CERKL: variants seen among roughly 807,000 people sequenced by gnomAD.
CERKL encodes the protein ceramide kinase-like protein.
CERKL carries 61 observed loss-of-function variants against 63.4 expected under a neutral mutation model. That is an observed-to-expected ratio of 0.96 (90% CI 0.78 to 1.19). The LOEUF (loss-of-function observed/expected upper bound fraction) is 1.19, where lower values mean the gene tolerates loss of function less well. Among genes scored for constraint, CERKL ranks in the 50% most tolerant of loss-of-function variants. CERKL has a pLI of 0.00. For synonymous variants in CERKL, 250 were observed against 230.5 expected (o/e 1.08, Z -0.77); for missense variants, 675 against 655.5 (o/e 1.03, Z -0.33).
intron 2 of CERKL, among the ~76,000 whole-genome samples, chr2:181,580,897 A>G (rs1244822158): frequency 3.3e-5 from 5 of 152,112 alleles, no homozygotes; most frequent in Admixed American, 1.3e-4. Context: ...GTACTTTTTT[A>G]GAAGTACCAA....
intron 3 of CERKL, among the ~76,000 whole-genome samples, chr2:181,566,663 C>A (rs1207361629): frequency 6.6e-6 from 1 of 152,130 alleles, no homozygotes; most frequent in East Asian, 1.9e-4. Flanking sequence ...GAGACCCAGA[C>A]CCAAGAAGGA....
chr2:181,579,139 T>C (rs1343553753), intron 2 of CERKL, among the ~76,000 whole-genome samples: 1 of 151,986 alleles, frequency 6.6e-6, no homozygotes, highest in East Asian at 1.9e-4. Context: ...ACAGAAATAA[T>C]GGTACTTTCT....
Position 181,547,599 on chromosome 2 carries a change from A to G in CERKL, c.1268+19T>C. On this transcript the variant is annotated intron_variant, in intron 10 of 12. Transcript: ENST00000410087. ...TCTATAAGAAATGTATCAACAATTC[A>G]ATAAAAATGCTTACTAACCTGGTAT... is the stretch of plus-strand genomic sequence containing the variant. The G allele has an allele frequency of 6.2e-7, 1 of 1,602,034 alleles. No individual in the cohort carries two copies. The highest frequency in any genetic ancestry group is 8.6e-7 in the Non-Finnish European group (1 of 1,169,100).
At chr2:181,548,387 T>C (rs909685361) in intron 8 of CERKL, 158 bp downstream of exon 8, 3 of 647,072 alleles carry the variant, frequency 4.6e-6, no homozygotes, top group Non-Finnish European at 8.2e-6. Context: ...GAGTGAGTAG[T>C]TGTTTGCTTA....
Position 181,537,835 on chromosome 2 carries a change from A to T in CERKL, c.*349T>A, listed in dbSNP as rs1288702666. On this transcript the variant is annotated 3_prime_UTR_variant, in exon 13 of 13. Coordinates refer to ENST00000410087, the MANE Select transcript of CERKL (RefSeq NM_201548.5). Reference sequence around the variant, plus strand: ...CTAGAGGCTAATTGTTAGTAACATCAATTTCTATTAGGATATCCGTTTGGC... The same window carrying T: ...CTAGAGGCTAATTGTTAGTAACATCTATTTCTATTAGGATATCCGTTTGGC... 5 of 487,344 alleles carry T rather than the reference A, an allele frequency of 1.0e-5. No individual in the cohort carries two copies. Among genetic ancestry groups the T allele is most frequent in the South Asian group, 7.7e-5 (5 of 64,708 alleles). 30.2% of individuals were successfully genotyped at this position (487,344 alleles called of 1,614,324 possible). A position where few individuals can be genotyped will look rare whatever the true frequency, so the allele number is the denominator to read the frequency against.
Position 181,548,778 on chromosome 2 carries a change from G to C in CERKL, c.975C>G (p.Gly325=), listed in dbSNP as rs148062068. 1.9e-6 allele frequency: 3 copies of C among 1,613,914 alleles called. No homozygotes were observed. Among genetic ancestry groups the C allele is most frequent in the African/African-American group, 1.3e-5 (1 of 74,928 alleles). The part of the protein sequence containing the change: ...LLRFGFSAMF[G]FGGRTLALAE... Reference sequence around the variant, plus strand: ...CCAGAGCCAAAGTTCTTCCACCAAAGCCAAACATGGCTGAGAACCCAAAGC... The same window carrying C: ...CCAGAGCCAAAGTTCTTCCACCAAACCCAAACATGGCTGAGAACCCAAAGC... The change falls in exon 7 of 13, where the codon GGC becomes GGG. Residue 325 remains glycine (G), a synonymous_variant. Transcript: ENST00000410087.
intron 3 of CERKL, 40 bp downstream of exon 3, chr2:181,573,712 GT>G: frequency 6.3e-7 from 1 of 1,586,012 alleles, no homozygotes; most frequent in Non-Finnish European, 8.6e-7. Flanking sequence ...GCTTTTGTAT[GT>G]TTTTGTAGAT....
intron 1 of CERKL, among the ~76,000 whole-genome samples, chr2:181,604,950 G>T (rs568363837): frequency 1.3e-5 from 2 of 152,036 alleles, no homozygotes; most frequent in Non-Finnish European, 2.9e-5. Context: ...CATTTCAATT[G>T]ACTCTCAAAG....
At chr2:181,587,820 G>A (rs1379641052) in intron 2 of CERKL, among the ~76,000 whole-genome samples, 1 of 151,932 alleles carries the variant, frequency 6.6e-6, no homozygotes, top group Non-Finnish European at 1.5e-5. Flanking sequence ...TATCCTTTCT[G>A]GATCATATGT....
At chr2:181,615,183 TG>T (rs1686139106) in intron 1 of CERKL, among the ~76,000 whole-genome samples, 1 of 152,146 alleles carries the variant, frequency 6.6e-6, no homozygotes, top group Non-Finnish European at 1.5e-5. Flanking sequence ...TGTATTTTTT[TG>T]GGGGGAAAAG....
At chr2:181,554,164 CAAAAAAAAA>C (rs36086391) in intron 5 of CERKL, among the ~76,000 whole-genome samples, 6 of 94,282 alleles carry the variant, frequency 6.4e-5, no homozygotes, top group Admixed American at 2.3e-4. Flanking sequence ...ACTATGGAGG[CAAAAAAAAA>C]AAAAAAAAAA....
At chr2:181,616,284 G>T (rs1686193180) in intron 1 of CERKL, among the ~76,000 whole-genome samples, 1 of 141,842 alleles carries the variant, frequency 7.1e-6, no homozygotes, top group Non-Finnish European at 1.5e-5. Flanking sequence ...TGCGATCTTG[G>T]CTCACTGCAA....
chr2:181,559,579 G>A (rs903111135), intron 4 of CERKL, among the ~76,000 whole-genome samples: 5 of 152,132 alleles, frequency 3.3e-5, no homozygotes, highest in Admixed American at 2.0e-4. Flanking sequence ...CTCACATCAC[G>A]TGTGAGGCCT....
Position 181,558,729 on chromosome 2 carries a change from C to A in CERKL, c.678-21G>T, listed in dbSNP as rs776832766. 6.2e-7 allele frequency: 1 copy of A among 1,612,586 alleles called. No homozygotes were observed. On this transcript the variant is annotated intron_variant, in intron 4 of 12. Transcript: ENST00000410087. The surrounding 1 kb of genome is among the most constrained non-coding windows in gnomAD (Gnocchi z 4.2). Reference sequence around the variant, plus strand: ...CAACACTAGAAAAATACAAATCAAGCAAAGAAGGCAAAACTTCAGAATGAT... The same window carrying A: ...CAACACTAGAAAAATACAAATCAAGAAAAGAAGGCAAAACTTCAGAATGAT...
At chr2:181,564,849 T>C (rs1030153382) in intron 4 of CERKL, among the ~76,000 whole-genome samples, 3 of 152,190 alleles carry the variant, frequency 2.0e-5, no homozygotes, top group Admixed American at 2.0e-4. Context: ...TTTTCTTAAA[T>C]TGTATACTTG....
intron 1 of CERKL, among the ~76,000 whole-genome samples, chr2:181,654,001 T>C (rs1164959518): frequency 1.3e-5 from 2 of 152,194 alleles, no homozygotes; most frequent in South Asian, 2.1e-4. Flanking sequence ...TATCAAAACA[T>C]CAAATAGTAT....
At chr2:181,589,016 C>T (rs1446220907) in intron 2 of CERKL, among the ~76,000 whole-genome samples, 1 of 152,156 alleles carries the variant, frequency 6.6e-6, no homozygotes, top group African/African-American at 2.4e-5. Flanking sequence ...GAAATATTTT[C>T]TCCCATTCCA....
Position 181,537,102 on chromosome 2 carries a change from CTTTATGACA to C in CERKL, c.*1073_*1081del, listed in dbSNP as rs1215202881. ...CAGAGTGTGTATACACAGGAATAAA[CTTTATGACA>C]TTTATGTATTTTTAAAAAACTTTGT... is the stretch of plus-strand genomic sequence containing the variant. On this transcript the variant is annotated 3_prime_UTR_variant, in exon 13 of 13. Coordinates refer to ENST00000410087, the MANE Select transcript of CERKL (RefSeq NM_201548.5). The C allele has an allele frequency of 2.2e-6, 1 of 452,464 alleles. No homozygotes were observed. The highest frequency in any genetic ancestry group is 4.4e-6 in the Non-Finnish European group (1 of 226,278). 28.0% of individuals were successfully genotyped at this position (452,464 alleles called of 1,614,324 possible).
intron 1 of CERKL, among the ~76,000 whole-genome samples, chr2:181,622,958 C>T (rs1056535970): frequency 5.3e-5 from 8 of 152,150 alleles, no homozygotes; most frequent in African/African-American, 1.9e-4. Flanking sequence ...TAACTTTCTC[C>T]TGTGGAGTAC....
Sources: allele counts gnomAD v4.1 joint callset (sites outside exome capture counted in the v4.1 genomes callset), GRCh38; gene constraint gnomAD v4.1.1; non-coding constraint Gnocchi (gnomAD v3.1); transcripts MANE v1.5; gene names NCBI Gene and HGNC (gene_info 2026-07-23, HGNC 2026-07-21).